The following SHOX variants were observed in gnomAD, a reference collection of about 807,000 sequenced individuals.
SHOX encodes short stature homeobox protein.
Under a neutral mutation model 29.6 loss-of-function variants are expected in SHOX, and 12 were observed. That is an observed-to-expected ratio of 0.41 (90% CI 0.26 to 0.66). The LOEUF is 0.66. SHOX is among the 30% of genes least tolerant of loss of function. The probability of loss-of-function intolerance (pLI) is 0.35; values close to 1 mark genes in which losing one functional copy is unlikely to be tolerated. For synonymous variants in SHOX, 214 were observed against 200.6 expected (o/e 1.07, Z -0.57); for missense variants, 499 against 437.7 (o/e 1.14, Z -1.25).
At position 646,897 on chromosome X, in the gene SHOX, G is replaced by C. The variant is rs1483577208; in HGVS notation, c.*2261G>C. On this transcript the variant is annotated 3_prime_UTR_variant, in exon 5 of 5. Coordinates refer to ENST00000686671, the MANE Select transcript of SHOX (RefSeq NM_000451.4). ...CTTTGGGAAGTAGGTTCATTCATCA[G>C]AGTATGTAACCCTTTGGAAAAGTGG... 6.6e-6 allele frequency: 1 copy of C among 151,902 alleles called. No individual in the cohort carries two copies. The highest frequency in any genetic ancestry group is 1.5e-5 in the Non-Finnish European group (1 of 68,020). 9.4% of individuals were successfully genotyped at this position (151,902 alleles called of 1,614,324 possible). A position where few individuals can be genotyped will look rare whatever the true frequency, so the allele number is the denominator to read the frequency against.
chrX:641,381 A>G (rs2052850768), intron 4 of SHOX, among the ~76,000 whole-genome samples: 1 of 151,914 alleles, frequency 6.6e-6, no homozygotes. Context: ...GGCCAACTTA[A>G]CGAAACCCTG....
intron 1 of SHOX, 107 bp downstream of exon 1, chrX:631,281 C>G (rs955077077): frequency 2.1e-6 from 3 of 1,403,742 alleles, no homozygotes; most frequent in East Asian, 2.3e-5. Flanking sequence ...TTGCAGCTCC[C>G]GTCTCGCCAG....
At chrX:625,841 T>C (rs2052520909), upstream of SHOX, among the ~76,000 whole-genome samples, 1 of 149,608 alleles carries the variant, frequency 6.7e-6, no homozygotes, top group African/African-American at 2.5e-5. Context: ...CCTCTCTTTT[T>C]CTCTGTCTCT....
chrX:634,823 G>C lies in SHOX; in HGVS notation c.483G>C (p.Val161=). The change falls in exon 2 of 5, where the codon GTG becomes GTC. Residue 161 remains valine, a synonymous_variant. Coordinates refer to ENST00000686671, the MANE Select transcript of SHOX (RefSeq NM_000451.4). The part of the protein sequence containing the change: ...SQRLGLSEAR[V]QVWFQNRRAK... The stretch of plus-strand genomic sequence containing the variant: ...GCCTGGGGCTCTCCGAGGCGCGCGT[G>C]CAGGTAGGAACCCGGGGGCGGGGGC... 1.3e-6 allele frequency: 2 copies of C among 1,565,520 alleles called. No homozygotes were observed. The highest frequency in any genetic ancestry group is 1.7e-6 in the Non-Finnish European group (2 of 1,155,496).
At chrX:628,322 T>G (rs1377839781), upstream of SHOX, among the ~76,000 whole-genome samples, 2 of 150,214 alleles carry the variant, frequency 1.3e-5, no homozygotes, top group Admixed American at 6.6e-5. Context: ...TGTCTCTCCT[T>G]GTCTCTCTCT....
chrX:644,201 T>A (rs1366779009), intron 4 of SHOX, 190 bp from the exon 5 acceptor site: 1 of 359,746 alleles, frequency 2.8e-6, no homozygotes, highest in Non-Finnish European at 3.9e-6. Context: ...CGCGGATGCA[T>A]CCAGTGGCAG....
chrX:655,917 G>T (rs1371705383), downstream of SHOX, among the ~76,000 whole-genome samples: 2 of 151,354 alleles, frequency 1.3e-5, no homozygotes, highest in African/African-American at 4.9e-5. Flanking sequence ...GCTCACGCTT[G>T]TTGTAATCTC....
intron 2 of SHOX, among the ~76,000 whole-genome samples, chrX:639,037 C>T (rs1328832348): frequency 6.6e-6 from 1 of 152,104 alleles, no homozygotes; most frequent in Non-Finnish European, 1.5e-5. Context: ...GCTAAACTGC[C>T]TGCACTCTCC....
chrX:643,370 G>A (rs1463333826), intron 4 of SHOX, among the ~76,000 whole-genome samples: 1 of 147,462 alleles, frequency 6.8e-6, no homozygotes, highest in African/African-American at 2.5e-5. Context: ...TTGGTGTCCC[G>A]GGAGAGGCTT....
At chrX:632,035 G>A in intron 1 of SHOX, 1 of 455,570 alleles carries the variant, frequency 2.2e-6, no homozygotes, top group Non-Finnish European at 4.4e-6. Flanking sequence ...TTTCCTTTAA[G>A]GAACCCTTCA....
At chrX:658,133 C>G (rs1374823062) in intron 5 of SHOX, among the ~76,000 whole-genome samples, 1 of 151,884 alleles carries the variant, frequency 6.6e-6, no homozygotes, top group Non-Finnish European at 1.5e-5. Flanking sequence ...CACCACCACG[C>G]CTGGCTAATG....
chrX:641,299 C>T (rs1177559645), intron 4 of SHOX, among the ~76,000 whole-genome samples: 1 of 152,150 alleles, frequency 6.6e-6, no homozygotes, highest in East Asian at 1.9e-4. Context: ...GGGTGGCTCA[C>T]ACCTGTCATC....
upstream of SHOX, among the ~76,000 whole-genome samples, chrX:629,460 C>T (rs1247264008): frequency 6.8e-6 from 1 of 147,680 alleles, no homozygotes; most frequent in Non-Finnish European, 1.5e-5. Context: ...TCTGTCTCTC[C>T]CTTTCTCTCT....
At chrX:636,351 T>C (rs2052750441) in intron 2 of SHOX, among the ~76,000 whole-genome samples, 1 of 140,868 alleles carries the variant, frequency 7.1e-6, no homozygotes, top group South Asian at 2.2e-4. Flanking sequence ...TATATAAATA[T>C]ATAAACATAT....
downstream of SHOX, among the ~76,000 whole-genome samples, chrX:654,554 T>C (rs1056542184): frequency 3.3e-5 from 5 of 151,998 alleles, no homozygotes; most frequent in Non-Finnish European, 4.4e-5. Flanking sequence ...TGCTGAAATA[T>C]AATGCAGCCA....
At chrX:628,394 T>G (rs2052581493), upstream of SHOX, among the ~76,000 whole-genome samples, 3 of 150,460 alleles carry the variant, frequency 2.0e-5, no homozygotes, top group Admixed American at 1.3e-4. Context: ...TCTGTCTGTC[T>G]CTCCCTTTCT....
chrX:630,767 T>C, upstream of SHOX: 1 of 1,164,422 alleles, frequency 8.6e-7, no homozygotes, highest in Non-Finnish European at 1.3e-6. Context: ...CGCGTATAAA[T>C]AGTGAGATTT....
At chrX:637,055 C>A (rs1223421459) in intron 2 of SHOX, among the ~76,000 whole-genome samples, 1 of 151,464 alleles carries the variant, frequency 6.6e-6, no homozygotes, top group East Asian at 1.9e-4. Flanking sequence ...AATCAACCCT[C>A]CCCAGGCATC....
chrX:631,158 C>G lies in SHOX; in HGVS notation c.261C>G (p.Thr87=), dbSNP rs368925113. ...NDKEKLKEFG[T]ARVAEGIYEC... ...AGGAGAAACTGAAAGAATTCGGCAC[C>G]GCGAGAGTGGCAGAAGGTAAGTTCC... The change falls in exon 1 of 5, where the codon ACC becomes ACG. Residue 87 remains threonine (T), a synonymous_variant. Transcript: ENST00000686671. 4 of 1,612,774 alleles carry G rather than the reference C, an allele frequency of 2.5e-6. No homozygotes were observed. In the African/African-American group the frequency reaches 4.0e-5, roughly 16 times the overall value.
Sources: allele counts gnomAD v4.1 joint callset (sites outside exome capture counted in the v4.1 genomes callset), GRCh38; gene constraint gnomAD v4.1.1; transcripts MANE v1.5; gene names NCBI Gene and HGNC (gene_info 2026-07-23, HGNC 2026-07-21).